MACROD1: variants seen among roughly 807,000 people sequenced by gnomAD.
MACROD1 encodes mono-ADP ribosylhydrolase 1.
A neutral mutation model predicts 41.4 loss-of-function variants in MACROD1; 31 were observed. The observed-to-expected ratio is 0.75, with a 90% CI of 0.56 to 1.01. MACROD1 has a LOEUF of 1.01. Among genes scored for constraint, MACROD1 ranks in the 50% least tolerant of loss-of-function variants. The probability of loss-of-function intolerance (pLI) is 0.00; values close to 1 mark genes in which losing one functional copy is unlikely to be tolerated. For synonymous variants in MACROD1, 252 were observed against 203.4 expected, an observed-to-expected ratio of 1.24 and a Z score of -2.03; for missense variants, 473 against 460.0, an observed-to-expected ratio of 1.03 and a Z score of -0.26.
chr11:64,014,164 G>A (rs1436249013), intron 4 of MACROD1, among the ~76,000 whole-genome samples: 1 of 150,058 alleles, frequency 6.7e-6, no homozygotes, highest in East Asian at 2.0e-4. Context: ...GCTGTGGGTG[G>A]GACATGCAGG....
chr11:64,002,414 A>G (rs1054483061), intron 4 of MACROD1, among the ~76,000 whole-genome samples: 15 of 152,162 alleles, frequency 9.9e-5, no homozygotes, highest in African/African-American at 3.4e-4. Context: ...GCTGGAATCA[A>G]TGCTGGCAGA....
intron 3 of MACROD1, among the ~76,000 whole-genome samples, chr11:64,097,409 AGAGAAGCTCCGTCCTGGGC>A (rs1278656974): frequency 6.6e-6 from 1 of 152,230 alleles, no homozygotes; most frequent in Non-Finnish European, 1.5e-5. Context: ...TCCCGTGGCA[AGAGAAGCTCCGTCCTGGGC>A]GAGTGGGCCC....
chr11:64,142,440 C>G (rs1431746013), intron 3 of MACROD1, among the ~76,000 whole-genome samples: 1 of 152,160 alleles, frequency 6.6e-6, no homozygotes. Context: ...CTCTCACATT[C>G]CCCATGGAAA....
chr11:64,067,396 C>G lies in MACROD1; in HGVS notation c.518-52115G>C, dbSNP rs1324056881. Among the ~76,000 whole-genome samples the G allele has an allele frequency of 6.6e-6, 1 of 152,150 alleles. No individual in the cohort carries two copies. Among genetic ancestry groups the G allele is most frequent in the Non-Finnish European group, 1.5e-5 (1 of 68,018 alleles). On this transcript the variant is annotated intron_variant, in intron 3 of 10. Transcript: ENST00000255681. The surrounding 1 kb of genome is among the most constrained non-coding windows in gnomAD (Gnocchi z 4.6). ...CTGACGTGAAAATGAAATATAGATT[C>G]AATACCTGAGCCTTTCAGCTCACAA... is the stretch of plus-strand genomic sequence containing the variant.
rs566197701 is a variant in MACROD1 at position 64,112,305 on chromosome 11, A to G, written c.517+38934T>C. 4.6e-5 allele frequency among the ~76,000 whole-genome samples: 7 copies of G among 152,272 alleles called. No individual in the cohort carries two copies. The East Asian group carries it at 1.2e-3, about 25-fold the overall frequency. ...CAGGGAGGTGGATCACGAGGTCAAG[A>G]GATCAAGACCATCCTGGCCAACATG... On this transcript the variant is annotated intron_variant, in intron 3 of 10. Transcript: ENST00000255681.
In MACROD1 at chr11:64,064,274, G is replaced by A. The variant is rs12294048; in HGVS notation, c.518-48993C>T. ...GGACAAAAAGCAACCAAGCCACACCGTAGTCTCCACGTGCAGCCCTGTTCA... is the reference window on the plus strand; with the variant it reads ...GGACAAAAAGCAACCAAGCCACACCATAGTCTCCACGTGCAGCCCTGTTCA... On this transcript the variant is annotated intron_variant, in intron 3 of 10. Transcript: ENST00000255681. The surrounding 1 kb of genome is among the most constrained non-coding windows in gnomAD (Gnocchi z 4.5). Among the ~76,000 whole-genome samples, 23,066 of 152,152 alleles carry A rather than the reference G, an allele frequency of 0.15. 2,952 individuals carry two copies. Among genetic ancestry groups the A allele is most frequent in the East Asian group, 0.4 (2,058 of 5,168 alleles).
At chr11:64,075,683 T>G (rs1944187467) in intron 3 of MACROD1, among the ~76,000 whole-genome samples, 1 of 152,184 alleles carries the variant, frequency 6.6e-6, no homozygotes. Context: ...TGCTGCTTCT[T>G]TTTTTTGAGA....
intron 3 of MACROD1, among the ~76,000 whole-genome samples, chr11:64,058,684 G>C (rs540502211): frequency 1.3e-5 from 2 of 152,260 alleles, no homozygotes; most frequent in African/African-American, 4.8e-5. Flanking sequence ...CACGCCGGCT[G>C]CAACCGCTCA....
intron 1 of MACROD1, among the ~76,000 whole-genome samples, chr11:64,156,622 C>T (rs1410336217): frequency 6.6e-6 from 1 of 152,174 alleles, no homozygotes; most frequent in Non-Finnish European, 1.5e-5. Context: ...CACACATAAG[C>T]GAGAGGAACC....
rs535051974 is a variant in MACROD1 at position 64,016,269 on chromosome 11, C to T, written c.518-988G>A. Among the ~76,000 whole-genome samples the T allele has an allele frequency of 1.6e-4, 25 of 152,356 alleles. No individual in the cohort carries two copies. The East Asian group carries it at 4.6e-3, about 28-fold the overall frequency. On this transcript the variant is annotated intron_variant, in intron 3 of 10. Transcript: ENST00000255681. ...ATGCCAGCACTGCCCCCAGCCTGGG[C>T]TCCAGCCCCGATCCGCAGCCTGCGT...
At chr11:64,003,189 C>T (rs1942855601) in intron 4 of MACROD1, among the ~76,000 whole-genome samples, 1 of 152,198 alleles carries the variant, frequency 6.6e-6, no homozygotes, top group South Asian at 2.1e-4. Flanking sequence ...TTCTTCCCTC[C>T]ACCCTCCTCT....
chr11:64,117,658 T>G (rs1373305954), intron 3 of MACROD1: 1 of 1,613,616 alleles, frequency 6.2e-7, no homozygotes, highest in African/African-American at 1.3e-5. Context: ...GCCTCCTCTT[T>G]CCGGCTCAGT....
chr11:64,077,649 G>A (rs1944227182), intron 3 of MACROD1, among the ~76,000 whole-genome samples: 2 of 152,106 alleles, frequency 1.3e-5, no homozygotes, highest in Admixed American at 1.3e-4. Flanking sequence ...ACGCTCAGAG[G>A]CACATGCTGG....
At chr11:64,092,783 A>T (rs921943270) in intron 3 of MACROD1, among the ~76,000 whole-genome samples, 1 of 152,240 alleles carries the variant, frequency 6.6e-6, no homozygotes, top group African/African-American at 2.4e-5. Flanking sequence ...GGGTGCATGA[A>T]CACCCACAGC....
At chr11:64,070,311 AT>A (rs1944083292) in intron 3 of MACROD1, among the ~76,000 whole-genome samples, 1 of 152,082 alleles carries the variant, frequency 6.6e-6, no homozygotes, top group African/African-American at 2.4e-5. Flanking sequence ...GAGCCTCCTC[AT>A]GTTCCCTGGG....
intron 3 of MACROD1, chr11:64,118,256 C>T (rs1462138707): frequency 7.5e-6 from 12 of 1,597,916 alleles, no homozygotes; most frequent in Admixed American, 3.4e-5. Flanking sequence ...GCTACCGGGA[C>T]GGCGGCATCC....
At position 64,021,938 on chromosome 11, in the gene MACROD1, G is replaced by C. The variant is rs868844050; in HGVS notation, c.518-6657C>G. On this transcript the variant is annotated intron_variant, in intron 3 of 10. Coordinates refer to ENST00000255681, the MANE Select transcript of MACROD1 (RefSeq NM_014067.4). The stretch of plus-strand genomic sequence containing the variant: ...GCAAGGGAGTGGCAGGGGGCCGGGG[G>C]GGGGGGGGGGGGGTGTGAGGTGGCG... 5.3e-4 allele frequency among the ~76,000 whole-genome samples: 28 copies of C among 52,852 alleles called. 2 individuals are homozygous for C. The highest frequency in any genetic ancestry group is 4.5e-3 in the South Asian group (4 of 880). 34.7% of individuals were successfully genotyped at this position (52,852 alleles called of 152,430 possible). A position where few individuals can be genotyped will look rare whatever the true frequency, so the allele number is the denominator to read the frequency against.
chr11:64,117,737 A>G, intron 3 of MACROD1: 1 of 1,613,946 alleles, frequency 6.2e-7, no homozygotes, highest in Non-Finnish European at 8.5e-7. Context: ...GGGACAAGAC[A>G]GAGTACCTGC....
chr11:64,088,942 C>T (rs1323199899), intron 3 of MACROD1, among the ~76,000 whole-genome samples: 1 of 152,138 alleles, frequency 6.6e-6, no homozygotes, highest in Non-Finnish European at 1.5e-5. Context: ...GGAAGGTGGG[C>T]AGCTGTCACC....
Sources: gnomAD v4.1 joint callset for allele counts (sites outside exome capture counted in the v4.1 genomes callset) on GRCh38, gnomAD v4.1.1 for gene constraint, Gnocchi (gnomAD v3.1) non-coding constraint, MANE v1.5 for transcripts, NCBI Gene and HGNC (gene_info 2026-07-23, HGNC 2026-07-21) for gene names.